DOK5: variants seen among roughly 807,000 people sequenced by gnomAD.
DOK5 encodes the protein docking protein 5, also known as downstream of tyrosine kinase 5.
DOK5 carries 27 observed loss-of-function variants against 43.3 expected under a neutral mutation model. The observed-to-expected ratio is 0.62, with a 90% CI of 0.46 to 0.86. The LOEUF is 0.86. DOK5 is among the 40% of genes least tolerant of loss of function. The probability of loss-of-function intolerance (pLI) is 0.00; values close to 1 mark genes in which losing one functional copy is unlikely to be tolerated. For missense variants in DOK5, 373 were observed against 392.9 expected, an observed-to-expected ratio of 0.95 and a Z score of 0.43; for synonymous variants, 146 against 140.1, an observed-to-expected ratio of 1.04 and a Z score of -0.30.
At chr20:54,623,072 G>A (rs1030253409) in intron 6 of DOK5, among the ~76,000 whole-genome samples, 1 of 152,126 alleles carries the variant, frequency 6.6e-6, no homozygotes, top group Non-Finnish European at 1.5e-5. Context: ...TAAACAGTAT[G>A]TGAGCAAGCA....
At chr20:54,606,508 G>A (rs1402036844) in intron 5 of DOK5, among the ~76,000 whole-genome samples, 4 of 152,212 alleles carry the variant, frequency 2.6e-5, no homozygotes, top group African/African-American at 7.2e-5. Context: ...CTCTGGAGAC[G>A]AGAAGCAGAC....
At chr20:54,550,302 C>A (rs1435467630) in intron 1 of DOK5, among the ~76,000 whole-genome samples, 1 of 151,642 alleles carries the variant, frequency 6.6e-6, no homozygotes, top group African/African-American at 2.4e-5. Flanking sequence ...TTTAATTAAA[C>A]ATTCTATTTC....
At chr20:54,634,222 G>T (rs1978707599) in intron 6 of DOK5, among the ~76,000 whole-genome samples, 1 of 150,428 alleles carries the variant, frequency 6.6e-6, no homozygotes, top group African/African-American at 2.4e-5. Context: ...CCATTATGAG[G>T]AAAGGGCCTT....
At chr20:54,520,853 A>G (rs748897475) in intron 1 of DOK5, among the ~76,000 whole-genome samples, 1 of 135,114 alleles carries the variant, frequency 7.4e-6, no homozygotes, top group Non-Finnish European at 1.7e-5. Flanking sequence ...TAAAATACAG[A>G]GTCCTTCATG....
In DOK5 at chr20:54,475,674, G is replaced by A. The variant is rs564970091; in HGVS notation, c.-273G>A. 1,206 of 521,894 alleles carry A rather than the reference G, an allele frequency of 2.3e-3. 4 individuals are homozygous for A. Among genetic ancestry groups the A allele is most frequent in the Non-Finnish European group, 3.3e-3 (968 of 293,474 alleles). The allele number at this position is 521,894 out of a possible 1,614,324, so 32.3% of individuals were successfully genotyped here. On this transcript the variant is annotated 5_prime_UTR_variant, in exon 1 of 8. Transcript: ENST00000262593. This position sits in a 1 kb window ranked among gnomAD's most constrained non-coding sequence, Gnocchi z 4.2. ...CGCTCCTCCTCCTGGCAGGCCGGCC[G>A]CGGAGTCAGCTGACGCCGGCGCTCC...
At chr20:54,623,588 T>C (rs1987052261) in intron 6 of DOK5, among the ~76,000 whole-genome samples, 2 of 152,072 alleles carry the variant, frequency 1.3e-5, no homozygotes, top group African/African-American at 2.4e-5. Flanking sequence ...ATTTTTATTT[T>C]TATTTTTCTG....
intron 2 of DOK5, among the ~76,000 whole-genome samples, chr20:54,585,939 T>C (rs1985790107): frequency 6.6e-6 from 1 of 152,218 alleles, no homozygotes; most frequent in East Asian, 1.9e-4. Flanking sequence ...CTGGCCAAAA[T>C]GGTGAAACCC....
intron 7 of DOK5, among the ~76,000 whole-genome samples, chr20:54,650,107 T>C (rs1979629989): frequency 6.6e-6 from 1 of 152,206 alleles, no homozygotes; most frequent in African/African-American, 2.4e-5. Flanking sequence ...GCTAAAAGTT[T>C]CCATAGTTCT....
intron 5 of DOK5, among the ~76,000 whole-genome samples, chr20:54,600,268 A>G (rs922162090): frequency 6.6e-6 from 1 of 152,100 alleles, no homozygotes; most frequent in Admixed American, 6.5e-5. Flanking sequence ...GTTGTGAAGA[A>G]TTTGGCTTTT....
intron 2 of DOK5, among the ~76,000 whole-genome samples, chr20:54,558,827 G>T (rs1984802571): frequency 6.6e-6 from 1 of 151,890 alleles, no homozygotes; most frequent in Non-Finnish European, 1.5e-5. Flanking sequence ...TGCCAGTTTT[G>T]CATATCTGAC....
intron 2 of DOK5, among the ~76,000 whole-genome samples, chr20:54,564,327 AG>A (rs1344637256): frequency 6.6e-6 from 1 of 152,164 alleles, no homozygotes; most frequent in Non-Finnish European, 1.5e-5. Context: ...GCTACTCGGG[AG>A]GCTGAGGCAG....
intron 7 of DOK5, among the ~76,000 whole-genome samples, chr20:54,647,897 C>T (rs1400381390): frequency 6.6e-6 from 1 of 152,156 alleles, no homozygotes; most frequent in Non-Finnish European, 1.5e-5. Context: ...TAAGCATTCA[C>T]GTGCCACCAG....
At chr20:54,549,982 A>G (rs1984469194) in intron 1 of DOK5, among the ~76,000 whole-genome samples, 1 of 152,210 alleles carries the variant, frequency 6.6e-6, no homozygotes, top group Non-Finnish European at 1.5e-5. Flanking sequence ...AAGGGAGCCA[A>G]TCGTCTCATC....
At chr20:54,497,962 T>C (rs747419839) in intron 1 of DOK5, among the ~76,000 whole-genome samples, 5 of 152,232 alleles carry the variant, frequency 3.3e-5, no homozygotes, top group Non-Finnish European at 5.9e-5. Context: ...TTTTAGTGAA[T>C]CTATTTAAGT....
chr20:54,584,262 C>A (rs1352245229), intron 2 of DOK5, among the ~76,000 whole-genome samples: 1 of 151,754 alleles, frequency 6.6e-6, no homozygotes, highest in Non-Finnish European at 1.5e-5. Context: ...TTTTCTCTTG[C>A]TGTCGTATTT....
rs1568746428 is a variant in DOK5 at position 54,481,080 on chromosome 20, TATC to T, written c.66+5072_66+5074del. Among the ~76,000 whole-genome samples the T allele has an allele frequency of 5.9e-3, 722 of 122,846 alleles. 28 individuals carry two copies. The highest frequency in any genetic ancestry group is 0.028 in the African/African-American group (679 of 24,386). The allele number at this position is 122,846 out of a possible 152,430, so 80.6% of individuals were successfully genotyped here. ...ATCATCTATCTATCATCTATCTATCTATCATCTACCATCTATCTATCTATCATC... is the reference window on the plus strand; with the variant it reads ...ATCATCTATCTATCATCTATCTATCTATCTACCATCTATCTATCTATCATC... On this transcript the variant is annotated intron_variant, in intron 1 of 7. Coordinates refer to ENST00000262593, the MANE Select transcript of DOK5 (RefSeq NM_018431.5).
At chr20:54,617,415 C>T (rs947222363) in intron 6 of DOK5, among the ~76,000 whole-genome samples, 6 of 152,080 alleles carry the variant, frequency 3.9e-5, no homozygotes, top group African/African-American at 1.2e-4. Context: ...ACTGCAGCCT[C>T]GACCTCCTCC....
chr20:54,650,310 T>C, intron 7 of DOK5, 105 bp from the exon 8 acceptor site: 1 of 1,113,106 alleles, frequency 9.0e-7, no homozygotes, highest in South Asian at 1.5e-5. Context: ...AATTCTGCCT[T>C]AAGTACATTT....
chr20:54,509,957 G>A (rs367945802), intron 1 of DOK5, among the ~76,000 whole-genome samples: 1 of 151,804 alleles, frequency 6.6e-6, no homozygotes, highest in East Asian at 1.9e-4. Context: ...TACTGGGGTG[G>A]GGGGATGGGG....
Sources: gnomAD v4.1 joint callset for allele counts (sites outside exome capture counted in the v4.1 genomes callset) on GRCh38, gnomAD v4.1.1 for gene constraint, Gnocchi (gnomAD v3.1) non-coding constraint, MANE v1.5 for transcripts, NCBI Gene and HGNC (gene_info 2026-07-23, HGNC 2026-07-21) for gene names.